DNAH7: variants seen among roughly 807,000 people sequenced by gnomAD.
DNAH7 encodes the protein axonemal beta dynein heavy chain 7.
Under a neutral mutation model 444.6 loss-of-function variants are expected in DNAH7, and 397 were observed. That is an observed-to-expected ratio of 0.89 (90% CI 0.82 to 0.97). The LOEUF (loss-of-function observed/expected upper bound fraction) is 0.97, where lower values mean the gene tolerates loss of function less well. Ranked by LOEUF, DNAH7 falls within the 50% of genes least tolerant of loss-of-function variation. The pLI is 0.00. For synonymous variants in DNAH7, 1,636 were observed against 1,624.4 expected (o/e 1.01, Z -0.17); for missense variants, 4,902 against 4,800.8 (o/e 1.02, Z -0.62).
chr2:195,754,422 G>A lies in DNAH7; in HGVS notation c.11679C>T (p.Ala3893=). The change falls in exon 63 of 65, where the codon GCC becomes GCT. Residue 3893 remains alanine (A), a synonymous_variant. Coordinates refer to ENST00000312428, the MANE Select transcript of DNAH7 (RefSeq NM_018897.3). ...GATCAATAGGAATTGTGTATTTCCTGGCGTAGTTCTGCTGGGCACCGGTCA... is the reference window on the plus strand; with the variant it reads ...GATCAATAGGAATTGTGTATTTCCTAGCGTAGTTCTGCTGGGCACCGGTCA... ...AFLTGAQQNY[A]RKYTIPIDLL... 6.2e-7 allele frequency: 1 copy of A among 1,614,076 alleles called. No homozygotes were observed. The highest frequency in any genetic ancestry group is 1.1e-5 in the South Asian group (1 of 91,082).
At chr2:196,068,442 G>A in intron 1 of DNAH7, 2 of 548,220 alleles carry the variant, frequency 3.6e-6, no homozygotes, top group South Asian at 2.6e-5. Context: ...CTGGGCTGTG[G>A]CTCCCCCTGC....
intron 24 of DNAH7, among the ~76,000 whole-genome samples, chr2:195,914,148 C>G (rs1444123246): frequency 6.6e-6 from 1 of 152,192 alleles, no homozygotes; most frequent in Non-Finnish European, 1.5e-5. Context: ...ACTCAGTACA[C>G]TGTATTGTAA....
intron 5 of DNAH7, among the ~76,000 whole-genome samples, chr2:196,037,311 A>G (rs1050348489): frequency 6.6e-6 from 1 of 152,214 alleles, no homozygotes; most frequent in Non-Finnish European, 1.5e-5. Flanking sequence ...AGATGCACAG[A>G]TATCAACATA....
At chr2:195,836,695 TAGAA>T (rs1039838338) in intron 47 of DNAH7, among the ~76,000 whole-genome samples, 2 of 151,998 alleles carry the variant, frequency 1.3e-5, no homozygotes, top group African/African-American at 4.8e-5. Context: ...GAAGGGAAAT[TAGAA>T]AGAAATAAAA....
chr2:195,855,720 A>G (rs935334790), intron 45 of DNAH7, 91 bp downstream of exon 45: 36 of 1,394,718 alleles, frequency 2.6e-5, no homozygotes, highest in Admixed American at 8.4e-5. Context: ...CCAGGAAGGA[A>G]ACAGGACTGG....
intron 7 of DNAH7, among the ~76,000 whole-genome samples, chr2:196,025,577 G>C (rs1185282390): frequency 6.6e-6 from 1 of 152,124 alleles, no homozygotes; most frequent in East Asian, 1.9e-4. Flanking sequence ...TTCCCGACTA[G>C]ACTGTTTTTC....
At chr2:195,816,403 T>G (rs555190155) in intron 51 of DNAH7, among the ~76,000 whole-genome samples, 2 of 152,316 alleles carry the variant, frequency 1.3e-5, no homozygotes, top group South Asian at 4.1e-4. Flanking sequence ...TAGAATTACA[T>G]TATAATTCTA....
intron 61 of DNAH7, among the ~76,000 whole-genome samples, chr2:195,768,293 C>T (rs1455016940): frequency 1.3e-5 from 2 of 150,080 alleles, no homozygotes; most frequent in Non-Finnish European, 3.0e-5. Context: ...TATAATTTTA[C>T]AGAGAATATG....
chr2:195,966,502 G>A (rs1461185370), intron 17 of DNAH7, among the ~76,000 whole-genome samples: 1 of 152,044 alleles, frequency 6.6e-6, no homozygotes, highest in Non-Finnish European at 1.5e-5. Flanking sequence ...ATGTTTCTTT[G>A]TTGGTTTTCT....
chr2:195,896,872 A>C (rs1011732929), intron 29 of DNAH7, among the ~76,000 whole-genome samples: 1 of 152,202 alleles, frequency 6.6e-6, no homozygotes, highest in African/African-American at 2.4e-5. Flanking sequence ...GTAGCTAATG[A>C]CACTGGACAA....
intron 9 of DNAH7, among the ~76,000 whole-genome samples, chr2:196,017,003 TATTTA>T (rs1394728368): frequency 4.6e-5 from 7 of 152,282 alleles, no homozygotes; most frequent in African/African-American, 1.7e-4. Flanking sequence ...TTTATTATTT[TATTTA>T]ATTTTAATTT....
chr2:195,914,267 A>C (rs1002137297), intron 24 of DNAH7, among the ~76,000 whole-genome samples: 2 of 152,230 alleles, frequency 1.3e-5, no homozygotes, highest in Non-Finnish European at 2.9e-5. Flanking sequence ...TATAGTAGCT[A>C]ATCAAAATTG....
intron 55 of DNAH7, among the ~76,000 whole-genome samples, chr2:195,798,045 T>C (rs923039377): frequency 2.0e-5 from 3 of 152,270 alleles, no homozygotes; most frequent in African/African-American, 7.2e-5. Flanking sequence ...TATAGTTTTC[T>C]TTTCAGCTTT....
chr2:195,790,141 G>C (rs190115802), intron 57 of DNAH7, among the ~76,000 whole-genome samples: 2 of 152,104 alleles, frequency 1.3e-5, no homozygotes, highest in African/African-American at 4.8e-5. Flanking sequence ...ATCTCTACAA[G>C]GAGAACCACA....
intron 15 of DNAH7, among the ~76,000 whole-genome samples, chr2:195,975,301 A>G (rs1692115323): frequency 6.6e-6 from 1 of 151,832 alleles, no homozygotes. Flanking sequence ...AGGGAGGGAG[A>G]GTGGGACTTT....
At chr2:195,770,301 A>C (rs1694773733) in intron 61 of DNAH7, among the ~76,000 whole-genome samples, 1 of 152,220 alleles carries the variant, frequency 6.6e-6, no homozygotes, top group African/African-American at 2.4e-5. Flanking sequence ...ATTTCACTTC[A>C]GTGCTTAAAA....
chr2:195,808,641 C>T lies in DNAH7; in HGVS notation c.10083+41G>A, dbSNP rs559240349. On this transcript the variant is annotated intron_variant, in intron 53 of 64. Coordinates refer to ENST00000312428, the MANE Select transcript of DNAH7 (RefSeq NM_018897.3). ...AAAAGATACTTAACATTCTTTTCTC[C>T]ATTTAAAAACATTGGAATAAGTGAG... 60 of 1,591,392 alleles carry T rather than the reference C, an allele frequency of 3.8e-5. 2 individuals are homozygous for T. In the South Asian group the frequency reaches 6.8e-4, roughly 18 times the overall value.
chr2:196,047,462 T>A lies in DNAH7; in HGVS notation c.288A>T (p.Leu96Phe). The A allele has an allele frequency of 6.2e-7, 1 of 1,600,392 alleles. No individual in the cohort carries two copies. The highest frequency in any genetic ancestry group is 8.5e-7 in the Non-Finnish European group (1 of 1,172,450). Residue 96 changes from leucine (L) to phenylalanine (F), a missense_variant, in exon 5 of 65, where the codon TTA (leucine) becomes TTT (phenylalanine). Transcript: ENST00000312428. ...YMERFGKKGK[L>F]PHQVDDSYVG... ...CATAACTATCATCAACTTGGTGGGG[T>A]AATTTGCCCTTTTTTCCAAAACGTT...
chr2:195,900,388 A>G lies in DNAH7; in HGVS notation c.4442T>C (p.Ile1481Thr), dbSNP rs763286628. ...TGAACACAAGCGATACGTAGCCACA[A>G]TTTTTACAGACAGTGGTCGAGCAGT... is the stretch of plus-strand genomic sequence containing the variant. ...FVTARPLSVK[I>T]VATYRLCSEQ... The change falls in exon 28 of 65, where the codon ATT becomes ACT. Residue 1481 changes from isoleucine to threonine, a missense_variant. Transcript: ENST00000312428. 24 of 1,613,900 alleles carry G rather than the reference A, an allele frequency of 1.5e-5. 1 individual carries two copies. In the Admixed American group the frequency reaches 3.2e-4, roughly 21 times the overall value.
Sources: gnomAD v4.1 joint callset for allele counts (sites outside exome capture counted in the v4.1 genomes callset) on GRCh38, gnomAD v4.1.1 for gene constraint, MANE v1.5 for transcripts, NCBI Gene and HGNC (gene_info 2026-07-23, HGNC 2026-07-21) for gene names.